The following FBXL13 variants were observed in gnomAD, a reference collection of about 807,000 sequenced individuals.
FBXL13 encodes the protein F-box and leucine rich repeat protein 13.
In FBXL13, 67 loss-of-function variants were observed where a neutral mutation model predicts 83.6. That is an observed-to-expected ratio of 0.80 (90% confidence interval 0.66 to 0.98). FBXL13 has a LOEUF of 0.98. Among genes scored for constraint, FBXL13 ranks in the 50% least tolerant of loss-of-function variants. The pLI is 0.00. For missense variants in FBXL13, 822 were observed against 866.5 expected, an observed-to-expected ratio of 0.95 and a Z score of 0.64; for synonymous variants, 272 against 299.5, an observed-to-expected ratio of 0.91 and a Z score of 0.95.
chr7:102,834,395 T>TA (rs1562927112), intron 17 of FBXL13, among the ~76,000 whole-genome samples: 112 of 146,502 alleles, frequency 7.6e-4, no homozygotes, highest in African/African-American at 2.6e-3. Flanking sequence ...TATATATATA[T>TA]TATATGCGAT....
intron 6 of FBXL13, among the ~76,000 whole-genome samples, chr7:103,024,785 C>T (rs1793661643): frequency 7.5e-6 from 1 of 133,556 alleles, no homozygotes; most frequent in South Asian, 2.3e-4. Flanking sequence ...TGCAATACAT[C>T]AAGAGTAGGA....
intron 16 of FBXL13, among the ~76,000 whole-genome samples, chr7:102,855,282 T>C (rs1292346127): frequency 6.6e-6 from 1 of 152,228 alleles, no homozygotes; most frequent in Non-Finnish European, 1.5e-5. Flanking sequence ...AATCTTTAGC[T>C]CATTTTATAA....
intron 8 of FBXL13, among the ~76,000 whole-genome samples, chr7:102,953,940 A>T (rs1380986544): frequency 6.6e-6 from 1 of 152,060 alleles, no homozygotes; most frequent in South Asian, 2.1e-4. Context: ...GGGACAGACA[A>T]AAACAGAGAA....
Position 102,968,074 on chromosome 7 carries a change from T to G in FBXL13, c.539A>C (p.Gln180Pro), listed in dbSNP as rs763709056. The stretch of plus-strand genomic sequence containing the variant: ...CATCAACATCCAGGCATGATTAACT[T>G]GACCACATATTATCACATCTTTTAA... The change falls in exon 7 of 20, where the codon CAA (glutamine) becomes CCA (proline). Residue 180 changes from glutamine to proline, a missense_variant. Coordinates refer to ENST00000313221, the Ensembl canonical transcript of FBXL13. The G allele has an allele frequency of 6.2e-6, 10 of 1,613,946 alleles. No homozygotes were observed. In the South Asian group the frequency reaches 1.1e-4, roughly 18 times the overall value.
intron 8 of FBXL13, among the ~76,000 whole-genome samples, chr7:102,962,055 C>A (rs1298302567): frequency 6.6e-6 from 1 of 150,902 alleles, no homozygotes; most frequent in Non-Finnish European, 1.5e-5. Context: ...AGGCAACCTA[C>A]AAAATGGGAG....
intron 2 of FBXL13, among the ~76,000 whole-genome samples, chr7:103,052,074 G>A (rs971699569): frequency 3.9e-5 from 6 of 152,198 alleles, no homozygotes; most frequent in African/African-American, 1.4e-4. Flanking sequence ...ACTGTGTAGT[G>A]TAAGACTGAA....
chr7:103,051,468 A>G (rs60545001), intron 2 of FBXL13, among the ~76,000 whole-genome samples: 7,566 of 152,236 alleles, frequency 0.05, 289 homozygotes, highest in East Asian at 0.13. Context: ...GAAATCCGAG[A>G]GAGAGCTTAC....
exon 12 of FBXL13, chr7:102,884,259 A>T (rs755271767): frequency 6.2e-7 from 1 of 1,613,842 alleles, no homozygotes; most frequent in East Asian, 2.2e-5. Flanking sequence ...TAATGGTAAG[A>T]TGCATAATTC....
chr7:102,857,367 TCAAA>T (rs1806183441), intron 16 of FBXL13: 1 of 152,146 alleles, frequency 6.6e-6, no homozygotes, highest in African/African-American at 2.4e-5. Context: ...TACAAGGAAC[TCAAA>T]CAACTCAATA....
At chr7:102,813,826 T>G (rs1205296582) in intron 19 of FBXL13, among the ~76,000 whole-genome samples, 1 of 152,176 alleles carries the variant, frequency 6.6e-6, no homozygotes. Flanking sequence ...TTATACTGCT[T>G]TAAGTAAGCC....
chr7:102,963,506 A>G, intron 8 of FBXL13, 27 bp downstream of exon 9: 2 of 1,601,122 alleles, frequency 1.2e-6, no homozygotes, highest in Middle Eastern at 1.7e-4. Flanking sequence ...GGAAAGCAAG[A>G]CAAATAGTTG....
chr7:103,056,820 TA>T (rs1797384870), intron 1 of FBXL13, among the ~76,000 whole-genome samples: 1 of 149,366 alleles, frequency 6.7e-6, no homozygotes, highest in Non-Finnish European at 1.5e-5. Flanking sequence ...CGCCAACATC[TA>T]TTTTTTTTTT....
intron 2 of FBXL13, among the ~76,000 whole-genome samples, chr7:103,046,642 T>C (rs539932109): frequency 6.2e-4 from 94 of 152,288 alleles, no homozygotes; most frequent in Non-Finnish European, 1.1e-3. Context: ...GTGCACATAA[T>C]AGACCCCCTC....
intron 19 of FBXL13, among the ~76,000 whole-genome samples, chr7:102,817,401 G>A (rs1798160171): frequency 6.6e-6 from 1 of 152,104 alleles, no homozygotes; most frequent in Non-Finnish European, 1.5e-5. Flanking sequence ...CCACTTGTAT[G>A]TCTTCTTTTG....
intron 8 of FBXL13, chr7:102,934,432 G>T: frequency 6.2e-7 from 1 of 1,614,162 alleles, no homozygotes. Context: ...AGATAGAAAC[G>T]CTTATTTCAA....
At chr7:103,048,561 A>T (rs1374762148) in intron 2 of FBXL13, among the ~76,000 whole-genome samples, 1 of 152,196 alleles carries the variant, frequency 6.6e-6, no homozygotes, top group African/African-American at 2.4e-5. Flanking sequence ...AACCTCACAG[A>T]CAAATCTATC....
intron 15 of FBXL13, 144 bp from the exon 17 acceptor site, chr7:102,877,737 A>G: frequency 2.6e-6 from 2 of 762,440 alleles, no homozygotes. Context: ...GACTAAAAGT[A>G]GAAAGTAATT....
intron 2 of FBXL13, among the ~76,000 whole-genome samples, chr7:103,048,271 C>T (rs1175283711): frequency 6.6e-6 from 1 of 151,796 alleles, no homozygotes; most frequent in Non-Finnish European, 1.5e-5. Context: ...ACTAGAATTC[C>T]AGGTCACTGT....
intron 1 of FBXL13, among the ~76,000 whole-genome samples, chr7:103,060,164 A>G (rs963010060): frequency 1.3e-5 from 2 of 149,692 alleles, no homozygotes; most frequent in South Asian, 4.3e-4. Context: ...AGCTCAGGCA[A>G]TCCTCCCACC....
Sources: allele counts gnomAD v4.1 joint callset (sites outside exome capture counted in the v4.1 genomes callset), GRCh38; gene constraint gnomAD v4.1.1; transcripts MANE v1.5; gene names NCBI Gene and HGNC (gene_info 2026-07-23, HGNC 2026-07-21).